ACYP2: variants seen among roughly 807,000 people sequenced by gnomAD.
ACYP2 encodes acylphosphatase-2.
In ACYP2, 12 loss-of-function variants were observed where a neutral mutation model predicts 11.2. The observed-to-expected ratio is 1.08, with a 90% CI of 0.69 to 1.74. The LOEUF is 1.74. Ranked by LOEUF, ACYP2 falls within the 40% of genes most tolerant of loss-of-function variation. The pLI is 0.00. For synonymous variants in ACYP2, 43 were observed against 32.2 expected (o/e 1.33, Z -1.13); for missense variants, 134 against 101.9 (o/e 1.31, Z -1.35).
Position 54,205,102 on chromosome 2 carries a change from G to A in ACYP2, c.404+66354G>A, listed in dbSNP as rs143717005. 4.0e-3 allele frequency among the ~76,000 whole-genome samples: 615 copies of A among 152,222 alleles called. 5 individuals are homozygous for A. Among genetic ancestry groups the A allele is most frequent in the African/African-American group, 0.014 (587 of 41,536 alleles). On this transcript the variant is annotated intron_variant, in intron 6 of 6. Coordinates refer to ENST00000607452, the MANE Select transcript of ACYP2 (RefSeq NM_001320586.2). ...TAAAAGTTGCCTATCTCTCCATTCT[G>A]GTTTCCCTCCTTTGAATTGCTAAGT...
chr2:54,042,304 C>T (rs1313467064), intron 2 of ACYP2, among the ~76,000 whole-genome samples: 2 of 152,200 alleles, frequency 1.3e-5, no homozygotes, highest in Admixed American at 1.3e-4. Context: ...CCACGCCCAG[C>T]CCAAACTCAC....
intron 6 of ACYP2, among the ~76,000 whole-genome samples, chr2:54,170,687 G>C (rs1271522946): frequency 6.6e-6 from 1 of 151,990 alleles, no homozygotes; most frequent in African/African-American, 2.4e-5. Flanking sequence ...CTTTGGGATT[G>C]TAATATGACT....
At chr2:53,982,492 CAG>C (rs1671814960) in intron 2 of ACYP2, among the ~76,000 whole-genome samples, 1 of 152,172 alleles carries the variant, frequency 6.6e-6, no homozygotes, top group South Asian at 2.1e-4. Flanking sequence ...AGTAGACTGA[CAG>C]ATATGAAAAC....
At chr2:54,156,193 A>T (rs1682422129) in intron 6 of ACYP2, among the ~76,000 whole-genome samples, 1 of 152,138 alleles carries the variant, frequency 6.6e-6, no homozygotes, top group Non-Finnish European at 1.5e-5. Flanking sequence ...ATATTTGCTT[A>T]TTAATTTTGT....
intron 6 of ACYP2, among the ~76,000 whole-genome samples, chr2:54,156,970 G>A (rs948172598): frequency 2.0e-5 from 3 of 152,054 alleles, no homozygotes; most frequent in Admixed American, 2.0e-4. Context: ...TGCCTGGTCT[G>A]AGCATGAAAT....
At chr2:54,022,380 G>A (rs557189475) in intron 2 of ACYP2, among the ~76,000 whole-genome samples, 1 of 152,072 alleles carries the variant, frequency 6.6e-6, no homozygotes, top group African/African-American at 2.4e-5. Context: ...CCATGCTAGA[G>A]TACAGTTTTG....
chr2:54,271,505 G>A (rs1239233358), intron 6 of ACYP2, among the ~76,000 whole-genome samples: 2 of 151,560 alleles, frequency 1.3e-5, no homozygotes, highest in Non-Finnish European at 3.0e-5. Flanking sequence ...GGAGGACTCA[G>A]CACACTGGGA....
rs1049077737 is a variant in ACYP2 at position 54,034,547 on chromosome 2, A to C, written c.63-16411A>C. Among the ~76,000 whole-genome samples the C allele has an allele frequency of 2.6e-5, 4 of 152,200 alleles. No homozygotes were observed. The East Asian group carries it at 7.7e-4, about 29-fold the overall frequency. ...CTATCACCTGGATGTGTAGTAGGCT[A>C]TACCATCTAGGTTTGCGTAAGTGCA... is the stretch of plus-strand genomic sequence containing the variant. On this transcript the variant is annotated intron_variant, in intron 2 of 6. Coordinates refer to ENST00000607452, the MANE Select transcript of ACYP2 (RefSeq NM_001320586.2).
chr2:54,237,827 G>A, intron 6 of ACYP2, among the ~76,000 whole-genome samples: 1 of 151,966 alleles, frequency 6.6e-6, no homozygotes. Flanking sequence ...TCTTGAATAT[G>A]CCTCTTTCCC....
At chr2:54,071,000 C>A (rs1257835911) in intron 4 of ACYP2, among the ~76,000 whole-genome samples, 1 of 152,182 alleles carries the variant, frequency 6.6e-6, no homozygotes, top group Non-Finnish European at 1.5e-5. Context: ...AGTCTGCCTG[C>A]CTTGGCCTCC....
Position 54,305,090 on chromosome 2 carries a change from A to G in ACYP2, c.*288A>G. 1 of 209,786 alleles carries G rather than the reference A, an allele frequency of 4.8e-6. No individual in the cohort carries two copies. Among genetic ancestry groups the G allele is most frequent in the East Asian group, 1.1e-4 (1 of 9,382 alleles). 13.0% of individuals were successfully genotyped at this position (209,786 alleles called of 1,614,324 possible). ...AATCTTTAATTTCAATGAACATTAC[A>G]GCATATATATGTTATTTGGCGAGAC... is the stretch of plus-strand genomic sequence containing the variant. On this transcript the variant is annotated 3_prime_UTR_variant, in exon 7 of 7. Transcript: ENST00000607452.
chr2:54,246,174 T>C (rs908925661), intron 6 of ACYP2, among the ~76,000 whole-genome samples: 4 of 152,180 alleles, frequency 2.6e-5, no homozygotes, highest in African/African-American at 9.6e-5. Context: ...TGTAGATAAA[T>C]GGATTAATTT....
intron 2 of ACYP2, among the ~76,000 whole-genome samples, chr2:53,995,885 C>G (rs971899458): frequency 6.6e-6 from 1 of 152,138 alleles, no homozygotes; most frequent in South Asian, 2.1e-4. Flanking sequence ...ATAATCCCAG[C>G]ACGTGGGGAG....
At chr2:54,256,225 A>G (rs1687525829) in intron 6 of ACYP2, 1 of 1,511,576 alleles carries the variant, frequency 6.6e-7, no homozygotes, top group Middle Eastern at 1.9e-4. Context: ...CTCACACAAA[A>G]TGGCGAGTAA....
rs115759287 is a variant in ACYP2, at chr2:53,971,275, A to G, written c.-83A>G. The G allele has an allele frequency of 0.02, 3,132 of 153,174 alleles. 103 individuals carry two copies. The highest frequency in any genetic ancestry group is 0.072 in the African/African-American group (2,984 of 41,532). 9.5% of individuals were successfully genotyped at this position (153,174 alleles called of 1,614,324 possible). ...GCTTCGCCGGGGGTCGCGCACTCCA[A>G]GCGGCAGCCCACTGGAGTCCCAGTC... On this transcript the variant is annotated 5_prime_UTR_variant, in exon 1 of 7. Coordinates refer to ENST00000607452, the MANE Select transcript of ACYP2 (RefSeq NM_001320586.2).
intron 6 of ACYP2, among the ~76,000 whole-genome samples, chr2:54,286,581 T>C (rs915372532): frequency 3.3e-5 from 5 of 152,076 alleles, no homozygotes; most frequent in African/African-American, 4.8e-5. Flanking sequence ...ACTGAAAATA[T>C]AAAATTGGTA....
At chr2:54,096,808 CAGAGGGAGACCGTGGAAAGAGAGGG>C (rs984160381) in intron 4 of ACYP2, among the ~76,000 whole-genome samples, 2 of 126,830 alleles carry the variant, frequency 1.6e-5, no homozygotes, top group Non-Finnish European at 3.5e-5. Flanking sequence ...GGCTCGGCAT[CAGAGGGAGACCGTGGAAAGAGAGGG>C]AGAGGGAGAC....
chr2:53,998,353 C>T (rs1158163103), intron 2 of ACYP2, among the ~76,000 whole-genome samples: 1 of 152,064 alleles, frequency 6.6e-6, no homozygotes, highest in Non-Finnish European at 1.5e-5. Context: ...ATAACTTAAG[C>T]AACTATAGGA....
intron 4 of ACYP2, among the ~76,000 whole-genome samples, chr2:54,121,647 T>TA (rs1367540924): frequency 1.1e-4 from 17 of 152,242 alleles, no homozygotes; most frequent in African/African-American, 4.1e-4. Flanking sequence ...AAATATTAAG[T>TA]ACCACCATTA....
Sources: allele counts gnomAD v4.1 joint callset (sites outside exome capture counted in the v4.1 genomes callset), GRCh38; gene constraint gnomAD v4.1.1; transcripts MANE v1.5; gene names NCBI Gene and HGNC (gene_info 2026-07-23, HGNC 2026-07-21).